The following DIAPH3 variants were observed in gnomAD, a reference collection of about 807,000 sequenced individuals.
DIAPH3 encodes protein diaphanous homolog 3.
DIAPH3 carries 117 observed loss-of-function variants against 144.3 expected under a neutral mutation model. The observed-to-expected ratio is 0.81, with a 90% CI of 0.70 to 0.95. DIAPH3 has a LOEUF of 0.95. Ranked by LOEUF, DIAPH3 falls within the 40% of genes least tolerant of loss-of-function variation. The pLI is 0.00. For missense variants in DIAPH3, 1,421 were observed against 1,412.7 expected (o/e 1.01, Z -0.09); for synonymous variants, 519 against 488.9 (o/e 1.06, Z -0.81).
intron 21 of DIAPH3, among the ~76,000 whole-genome samples, chr13:59,875,829 C>A (rs913895506): frequency 6.6e-6 from 1 of 152,220 alleles, no homozygotes; most frequent in South Asian, 2.1e-4. Flanking sequence ...GAAAGCAAAT[C>A]CTTTTCTCTC....
intron 19 of DIAPH3, among the ~76,000 whole-genome samples, chr13:59,913,482 C>T (rs1175655257): frequency 6.6e-6 from 1 of 152,138 alleles, no homozygotes. Flanking sequence ...TACATCTATA[C>T]CTATTCAACA....
chr13:60,101,919 T>G (rs2786664), intron 3 of DIAPH3, among the ~76,000 whole-genome samples: 88,789 of 151,974 alleles, frequency 0.58, 26,567 homozygotes, highest in Admixed American at 0.69. Context: ...CTTACAACAT[T>G]TATGGCAAAT....
chr13:60,105,646 G>C (rs748484408), intron 3 of DIAPH3, among the ~76,000 whole-genome samples: 2 of 152,128 alleles, frequency 1.3e-5, no homozygotes, highest in Non-Finnish European at 1.5e-5. Flanking sequence ...CCAATGGAGA[G>C]GGAAAAGAGT....
chr13:60,087,490 TCA>T (rs1406214254), intron 4 of DIAPH3, among the ~76,000 whole-genome samples: 1 of 152,226 alleles, frequency 6.6e-6, no homozygotes, highest in Middle Eastern at 3.2e-3. Context: ...CAATTTAGAC[TCA>T]GTTGTTTCAT....
chr13:59,840,562 T>G (rs2042284854), intron 22 of DIAPH3, among the ~76,000 whole-genome samples: 1 of 152,196 alleles, frequency 6.6e-6, no homozygotes, highest in African/African-American at 2.4e-5. Context: ...ATTGTTTTTT[T>G]AACCTGGTTG....
chr13:59,860,514 G>A (rs1313536518), intron 22 of DIAPH3, among the ~76,000 whole-genome samples: 4 of 152,186 alleles, frequency 2.6e-5, no homozygotes, highest in Admixed American at 1.3e-4. Flanking sequence ...TGAGGCAGGC[G>A]GATCAGGAGG....
chr13:59,911,587 T>G, intron 20 of DIAPH3, 148 bp downstream of exon 20: 1 of 664,906 alleles, frequency 1.5e-6, no homozygotes, highest in Non-Finnish European at 2.7e-6. Flanking sequence ...TAATTTCACA[T>G]GAATATCCTT....
chr13:59,911,395 CAATATGTTGG>C lies in DIAPH3; in HGVS notation c.2367+330_2367+339del, dbSNP rs1204009260. ...GAACAAGAAACCAAAGCTACTCTTGCAATATGTTGGAATACACAGCTCTAGAATAAATCAC... is the reference window on the plus strand; with the variant it reads ...GAACAAGAAACCAAAGCTACTCTTGCAATACACAGCTCTAGAATAAATCAC... On this transcript the variant is annotated intron_variant, in intron 20 of 27. Coordinates refer to ENST00000400324, the MANE Select transcript of DIAPH3 (RefSeq NM_001042517.2). Among the ~76,000 whole-genome samples the C allele has an allele frequency of 2.0e-5, 3 of 152,224 alleles. No individual in the cohort carries two copies. The East Asian group carries it at 5.8e-4, about 29-fold the overall frequency.
chr13:59,992,002 CTGAG>C, intron 11 of DIAPH3, 62 bp downstream of exon 11: 1 of 1,247,422 alleles, frequency 8.0e-7, no homozygotes, highest in Non-Finnish European at 1.2e-6. Context: ...ATATTTGTGG[CTGAG>C]TATTTTGGAT....
chr13:59,983,341 G>A (rs2051154802), intron 13 of DIAPH3, among the ~76,000 whole-genome samples: 1 of 151,440 alleles, frequency 6.6e-6, no homozygotes, highest in Non-Finnish European at 1.5e-5. Context: ...CTGGTCATAT[G>A]CAGCAGAAGT....
intron 27 of DIAPH3, among the ~76,000 whole-genome samples, chr13:59,739,111 T>C (rs2139033696): frequency 6.6e-6 from 1 of 152,290 alleles, no homozygotes; most frequent in East Asian, 1.9e-4. Flanking sequence ...CCCTCGTGCT[T>C]AGGTCCAAAG....
At chr13:59,971,230 CA>C in intron 15 of DIAPH3, 70 bp from the exon 16 acceptor site, 1 of 1,423,336 alleles carries the variant, frequency 7.0e-7, no homozygotes, top group Non-Finnish European at 9.5e-7. Flanking sequence ...GCACTTTACT[CA>C]AAAATAAGGC....
intron 25 of DIAPH3, among the ~76,000 whole-genome samples, chr13:59,799,375 GCACACACACACA>G (rs56979042): frequency 0.016 from 2,191 of 139,350 alleles, 23 homozygotes; most frequent in Middle Eastern, 0.037. Flanking sequence ...CTGGAAATAT[GCACACACACACA>G]CACACACACA....
At chr13:59,766,924 C>T (rs951124585) in intron 27 of DIAPH3, among the ~76,000 whole-genome samples, 3 of 152,188 alleles carry the variant, frequency 2.0e-5, no homozygotes, top group African/African-American at 7.2e-5. Flanking sequence ...CCAATCTGTG[C>T]TCGGGTGCTT....
intron 4 of DIAPH3, among the ~76,000 whole-genome samples, chr13:60,057,091 T>A (rs912901831): frequency 2.0e-5 from 3 of 151,854 alleles, no homozygotes; most frequent in African/African-American, 7.2e-5. Context: ...ATAAAGGGCA[T>A]TAAGAGGAAG....
intron 5 of DIAPH3, among the ~76,000 whole-genome samples, chr13:60,024,042 A>G (rs1190556249): frequency 1.3e-5 from 2 of 150,918 alleles, no homozygotes; most frequent in Admixed American, 6.6e-5. Context: ...TTTAGTAGAG[A>G]TGGGGTTTCA....
At chr13:60,135,410 G>A (rs1347923797) in intron 1 of DIAPH3, among the ~76,000 whole-genome samples, 4 of 152,164 alleles carry the variant, frequency 2.6e-5, no homozygotes, top group Non-Finnish European at 4.4e-5. Flanking sequence ...CAAAGAACAT[G>A]TGATGAATCA....
At chr13:59,846,544 C>T (rs1157766012) in intron 22 of DIAPH3, among the ~76,000 whole-genome samples, 1 of 151,994 alleles carries the variant, frequency 6.6e-6, no homozygotes, top group Non-Finnish European at 1.5e-5. Context: ...GCTATAGCAA[C>T]ATTTTATAAA....
chr13:59,671,944 G>A (rs1224155821), intron 27 of DIAPH3, among the ~76,000 whole-genome samples: 1 of 152,040 alleles, frequency 6.6e-6, no homozygotes, highest in Non-Finnish European at 1.5e-5. Context: ...GTATAGATTT[G>A]GATGACAAAG....
Sources: allele counts gnomAD v4.1 joint callset (sites outside exome capture counted in the v4.1 genomes callset), GRCh38; gene constraint gnomAD v4.1.1; transcripts MANE v1.5; gene names NCBI Gene and HGNC (gene_info 2026-07-23, HGNC 2026-07-21).